GPD2: variants seen among roughly 807,000 people sequenced by gnomAD.
GPD2 encodes glycerol-3-phosphate dehydrogenase 2, also known as glycerol-3-phosphate dehydrogenase, mitochondrial.
GPD2 carries 54 observed loss-of-function variants against 82.4 expected under a neutral mutation model. The observed-to-expected ratio is 0.66, with a 90% CI of 0.53 to 0.82. The LOEUF (loss-of-function observed/expected upper bound fraction) is 0.82, where lower values mean the gene tolerates loss of function less well. GPD2 is among the 40% of genes least tolerant of loss of function. GPD2 has a pLI of 0.00. For synonymous variants in GPD2, 288 were observed against 306.1 expected, an observed-to-expected ratio of 0.94 and a Z score of 0.62; for missense variants, 748 against 896.2, an observed-to-expected ratio of 0.83 and a Z score of 2.11.
chr2:156,568,675 C>T, intron 9 of GPD2, 150 bp from the exon 10 acceptor site: 1 of 681,548 alleles, frequency 1.5e-6, no homozygotes, highest in Non-Finnish European at 2.6e-6. Flanking sequence ...TACCTATCCA[C>T]AAACTTAGTT....
chr2:156,582,698 T>C, intron 16 of GPD2, 95 bp from the exon 17 acceptor site: 9 of 1,340,530 alleles, frequency 6.7e-6, no homozygotes, highest in Non-Finnish European at 9.6e-6. Flanking sequence ...AGCACTTAAT[T>C]ACCTCTGTCT....
rs1685035660 is a variant in GPD2, at chr2:156,512,408, CA to C, written c.497+92del. 5.2e-6 allele frequency: 4 copies of C among 773,412 alleles called. No homozygotes were observed. The Admixed American group carries it at 6.9e-5, about 13-fold the overall frequency. 47.9% of individuals were successfully genotyped at this position (773,412 alleles called of 1,614,324 possible). A position where few individuals can be genotyped will look rare whatever the true frequency, so the allele number is the denominator to read the frequency against. The stretch of plus-strand genomic sequence containing the variant: ...GGAAATAATCCCTCAATGCATATTT[CA>C]TAATGTGGTTTTAATTGGTCCTAAT... On this transcript the variant is annotated intron_variant, in intron 5 of 16. Transcript: ENST00000438166.
the GPD2 span, among the ~76,000 whole-genome samples, chr2:156,429,783 C>CTA: frequency 3.3e-5 from 5 of 152,182 alleles, no homozygotes; most frequent in African/African-American, 4.8e-5. Context: ...TTTTAGATGT[C>CTA]TATAACTCTG....
At chr2:156,470,944 C>T (rs1365919478) in intron 1 of GPD2, among the ~76,000 whole-genome samples, 1 of 152,188 alleles carries the variant, frequency 6.6e-6, no homozygotes, top group African/African-American at 2.4e-5. Flanking sequence ...TTCCCAAGTA[C>T]CTATTACTCT....
the GPD2 span, among the ~76,000 whole-genome samples, chr2:156,416,454 C>G: frequency 6.6e-6 from 1 of 151,058 alleles, no homozygotes; most frequent in Non-Finnish European, 1.5e-5. Flanking sequence ...CTCCAGGTAT[C>G]CCCTTGCCTC....
At chr2:156,424,185 T>C in the GPD2 span, among the ~76,000 whole-genome samples, 19 of 124,498 alleles carry the variant, frequency 1.5e-4, 1 homozygote, top group African/African-American at 5.3e-4. Flanking sequence ...TTCAGGACTT[T>C]CCAGCCATTA....
At chr2:156,551,073 T>C (rs1686740535) in intron 8 of GPD2, among the ~76,000 whole-genome samples, 1 of 152,212 alleles carries the variant, frequency 6.6e-6, no homozygotes, top group Non-Finnish European at 1.5e-5. Flanking sequence ...GCAAAATTTT[T>C]TATAAAGGAC....
chr2:156,467,099 ATTTTTTTT>A (rs372501557), intron 1 of GPD2, among the ~76,000 whole-genome samples: 2 of 147,100 alleles, frequency 1.4e-5, no homozygotes, highest in Non-Finnish European at 3.0e-5. Flanking sequence ...TTGTTTCATG[ATTTTTTTT>A]TTTTCTCATT....
chr2:156,440,608 T>C (rs1002364141), intron 1 of GPD2, among the ~76,000 whole-genome samples: 8 of 152,230 alleles, frequency 5.3e-5, no homozygotes, highest in African/African-American at 1.9e-4. Context: ...ATCGGTGCTC[T>C]TATTTCCTAT....
chr2:156,561,234 G>A (rs1005305378), intron 9 of GPD2, among the ~76,000 whole-genome samples: 6 of 151,666 alleles, frequency 4.0e-5, no homozygotes, highest in Admixed American at 1.3e-4. Flanking sequence ...TTTTAGTACA[G>A]ACTGTGTTTC....
At chr2:156,415,450 G>C in the GPD2 span, among the ~76,000 whole-genome samples, 1 of 151,852 alleles carries the variant, frequency 6.6e-6, no homozygotes, top group Admixed American at 6.6e-5. Context: ...AAGACACCGC[G>C]CGCAGCCGTT....
chr2:156,573,108 A>G (rs1687697467), intron 13 of GPD2, among the ~76,000 whole-genome samples: 1 of 152,182 alleles, frequency 6.6e-6, no homozygotes, highest in Non-Finnish European at 1.5e-5. Flanking sequence ...ATTTCCAAAG[A>G]TGATTACATA....
chr2:156,571,399 AC>A (rs1687636846), intron 13 of GPD2, 107 bp downstream of exon 13: 11 of 634,554 alleles, frequency 1.7e-5, no homozygotes, highest in Non-Finnish European at 2.6e-5. Context: ...TAGATTTCTT[AC>A]CAGTTTTTCT....
At chr2:156,569,108 C>T in intron 10 of GPD2, 149 bp downstream of exon 10, 1 of 725,094 alleles carries the variant, frequency 1.4e-6, no homozygotes, top group Non-Finnish European at 2.4e-6. Flanking sequence ...GGATTACAGG[C>T]ATGAGCCACT....
rs75636841 is a variant in GPD2 at position 156,500,138 on chromosome 2, C to T, written c.274+3923C>T. On this transcript the variant is annotated intron_variant, in intron 3 of 16. Transcript: ENST00000438166. ...TTACAGTTAACAGTAGCTAAGAAAA[C>T]GATGTATTTTTAATATATCTTGGCA... 6.9e-3 allele frequency among the ~76,000 whole-genome samples: 1,049 copies of T among 151,904 alleles called. 3 individuals are homozygous for T. Among genetic ancestry groups the T allele is most frequent in the Middle Eastern group, 0.02 (6 of 294 alleles).
intron 1 of GPD2, among the ~76,000 whole-genome samples, chr2:156,467,249 A>T (rs1251518355): frequency 2.6e-5 from 4 of 152,204 alleles, no homozygotes; most frequent in Non-Finnish European, 1.5e-5. Context: ...TCTTGGAAGC[A>T]GGCTGGCCTT....
intron 6 of GPD2, among the ~76,000 whole-genome samples, chr2:156,541,824 G>GTTTTT (rs61067726): frequency 0.06 from 4,869 of 81,154 alleles, 324 homozygotes; most frequent in East Asian, 0.11. Flanking sequence ...AATGCTGTTT[G>GTTTTT]TTTTTTTTTT....
At chr2:156,463,677 C>T (rs1683061624) in intron 1 of GPD2, among the ~76,000 whole-genome samples, 1 of 152,116 alleles carries the variant, frequency 6.6e-6, no homozygotes, top group African/African-American at 2.4e-5. Context: ...GCGTGTCTTT[C>T]CTTCCAGAAT....
intron 2 of GPD2, among the ~76,000 whole-genome samples, chr2:156,484,431 A>G (rs1573916392): frequency 6.6e-6 from 1 of 152,062 alleles, no homozygotes; most frequent in East Asian, 1.9e-4. Context: ...GCCCAGTCCC[A>G]ATCTTTCTCT....
Sources: gnomAD v4.1 joint callset for allele counts (sites outside exome capture counted in the v4.1 genomes callset) on GRCh38, gnomAD v4.1.1 for gene constraint, MANE v1.5 for transcripts, NCBI Gene and HGNC (gene_info 2026-07-23, HGNC 2026-07-21) for gene names.